Variants in XRCC4 observed in about 807,000 individuals in gnomAD.
The protein encoded by XRCC4 is X-ray repair cross complementing 4.
XRCC4 carries 28 observed loss-of-function variants against 39.1 expected under a neutral mutation model. That is an observed-to-expected ratio of 0.72 (90% CI 0.53 to 0.98). The LOEUF (loss-of-function observed/expected upper bound fraction) is 0.98, where lower values mean the gene tolerates loss of function less well. Among genes scored for constraint, XRCC4 ranks in the 50% least tolerant of loss-of-function variants. The pLI is 0.00. For synonymous variants in XRCC4, 123 were observed against 126.4 expected (o/e 0.97, Z 0.18); for missense variants, 350 against 376.4 (o/e 0.93, Z 0.58).
At chr5:83,158,397 A>G (rs565578567) in intron 3 of XRCC4, among the ~76,000 whole-genome samples, 1 of 152,268 alleles carries the variant, frequency 6.6e-6, no homozygotes, top group South Asian at 2.1e-4. Flanking sequence ...ATCATTGTCT[A>G]TATTCCAAGA....
At chr5:83,353,034 T>G in intron 7 of XRCC4, 97 bp from the exon 8 acceptor site, 1 of 959,312 alleles carries the variant, frequency 1.0e-6, no homozygotes, top group Non-Finnish European at 1.5e-6. Context: ...GAAACAGGAT[T>G]TAACTGTCAT....
At chr5:83,240,941 C>G (rs1183474792) in intron 6 of XRCC4, among the ~76,000 whole-genome samples, 1 of 152,100 alleles carries the variant, frequency 6.6e-6, no homozygotes, top group Non-Finnish European at 1.5e-5. Context: ...CATTCACTGA[C>G]TTAAAAATTC....
At chr5:83,273,142 T>C (rs1754201056) in intron 7 of XRCC4, among the ~76,000 whole-genome samples, 1 of 152,250 alleles carries the variant, frequency 6.6e-6, no homozygotes, top group Admixed American at 6.5e-5. Flanking sequence ...TAGTATCTCA[T>C]TGTGGTTTTC....
chr5:83,149,404 CATTATGTGTT>C (rs927616578), intron 3 of XRCC4, among the ~76,000 whole-genome samples: 10 of 151,558 alleles, frequency 6.6e-5, no homozygotes, highest in Admixed American at 5.3e-4. Flanking sequence ...ATGGATATTT[CATTATGTGTT>C]ATACTTTTGT....
intron 6 of XRCC4, among the ~76,000 whole-genome samples, chr5:83,217,863 G>A (rs188913975): frequency 2.0e-5 from 3 of 152,194 alleles, no homozygotes; most frequent in Non-Finnish European, 2.9e-5. Context: ...AAGACTGCTA[G>A]CCAGCCTGCT....
chr5:83,155,492 A>G (rs569957215), intron 3 of XRCC4, among the ~76,000 whole-genome samples: 1 of 152,184 alleles, frequency 6.6e-6, no homozygotes, highest in Non-Finnish European at 1.5e-5. Context: ...AAACAGTTGT[A>G]TAATAGGTAT....
chr5:83,117,659 GTGTGTGTGTGTGTGTATGTATGTA>G (rs1243185018), intron 3 of XRCC4, among the ~76,000 whole-genome samples: 18 of 147,636 alleles, frequency 1.2e-4, no homozygotes, highest in African/African-American at 4.5e-4. Flanking sequence ...GTGTGTGTGT[GTGTGTGTGTGTGTGTATGTATGTA>G]TATGTATGTA....
intron 3 of XRCC4, among the ~76,000 whole-genome samples, chr5:83,149,371 T>C (rs1273507117): frequency 1.3e-5 from 2 of 152,134 alleles, no homozygotes; most frequent in Admixed American, 1.3e-4. Flanking sequence ...GGTTTTTTTT[T>C]TGAGATACAG....
intron 3 of XRCC4, among the ~76,000 whole-genome samples, chr5:83,160,037 C>A (rs964922286): frequency 1.3e-5 from 2 of 151,976 alleles, no homozygotes; most frequent in Admixed American, 6.6e-5. Flanking sequence ...GTTTTCAAGA[C>A]CCTGCTAGAT....
intron 7 of XRCC4, among the ~76,000 whole-genome samples, chr5:83,330,866 C>G (rs1756416563): frequency 6.6e-6 from 1 of 151,974 alleles, no homozygotes; most frequent in Admixed American, 6.6e-5. Context: ...GAAGACATAG[C>G]AAGATCTATC....
At chr5:83,326,912 TA>T (rs745524082) in intron 7 of XRCC4, among the ~76,000 whole-genome samples, 35 of 152,194 alleles carry the variant, frequency 2.3e-4, no homozygotes, top group Middle Eastern at 3.4e-3. Flanking sequence ...CAATGAACAA[TA>T]CGCTGTTTTT....
the XRCC4 span, among the ~76,000 whole-genome samples, chr5:83,364,831 A>G: frequency 1.3e-5 from 2 of 152,222 alleles, no homozygotes; most frequent in South Asian, 4.1e-4. Context: ...AAAAGCATTC[A>G]TGTGCACCTT....
At chr5:83,113,686 T>C (rs890332063) in intron 3 of XRCC4, among the ~76,000 whole-genome samples, 2 of 151,764 alleles carry the variant, frequency 1.3e-5, no homozygotes, top group Non-Finnish European at 2.9e-5. Flanking sequence ...AATGGCGTGA[T>C]CTCCATCTCC....
chr5:83,205,573 C>T (rs1751388840), intron 6 of XRCC4, among the ~76,000 whole-genome samples: 1 of 151,960 alleles, frequency 6.6e-6, no homozygotes, highest in Admixed American at 6.6e-5. Flanking sequence ...ATGGTTTTGA[C>T]CTAAAACCAA....
intron 7 of XRCC4, among the ~76,000 whole-genome samples, chr5:83,324,761 T>C (rs181107433): frequency 3.4e-4 from 51 of 152,236 alleles, no homozygotes; most frequent in African/African-American, 1.1e-3. Flanking sequence ...TCTGCTAAGA[T>C]TGTGAAGTAT....
At chr5:83,183,347 C>T (rs28360114) in intron 3 of XRCC4, among the ~76,000 whole-genome samples, 4,146 of 151,184 alleles carry the variant, frequency 0.027, 159 homozygotes, top group African/African-American at 0.084. Context: ...TCTAACTCTA[C>T]GGTGTCAATT....
chr5:83,305,685 G>A (rs1366575995), intron 7 of XRCC4, among the ~76,000 whole-genome samples: 1 of 152,086 alleles, frequency 6.6e-6, no homozygotes, highest in Non-Finnish European at 1.5e-5. Flanking sequence ...CTGAGAAAGT[G>A]TTTAGTTCCT....
At chr5:83,185,423 TA>T (rs869120125) in intron 3 of XRCC4, among the ~76,000 whole-genome samples, 5 of 42,174 alleles carry the variant, frequency 1.2e-4, no homozygotes, top group Non-Finnish European at 2.4e-4. Flanking sequence ...AAGTATGTAT[TA>T]TATATATATA....
chr5:83,303,048 G>A (rs944771874), intron 7 of XRCC4, among the ~76,000 whole-genome samples: 2 of 151,800 alleles, frequency 1.3e-5, no homozygotes, highest in African/African-American at 4.8e-5. Flanking sequence ...CCCCGTCTCT[G>A]CTGAAAATAC....
Sources: allele counts gnomAD v4.1 joint callset (sites outside exome capture counted in the v4.1 genomes callset), GRCh38; gene constraint gnomAD v4.1.1; transcripts MANE v1.5; gene names NCBI Gene and HGNC (gene_info 2026-07-23, HGNC 2026-07-21).